Variants in CDH12 observed in about 807,000 individuals in gnomAD.
CDH12 encodes cadherin-12.
CDH12 carries 41 observed loss-of-function variants against 74.1 expected under a neutral mutation model. The ratio of observed to expected loss-of-function variants is 0.55; its 90% confidence interval spans 0.43 to 0.72. The LOEUF is 0.72. CDH12 is among the 30% of genes least tolerant of loss of function. The probability of loss-of-function intolerance (pLI) is 0.00; values close to 1 mark genes in which losing one functional copy is unlikely to be tolerated. For synonymous variants in CDH12, 399 were observed against 355.0 expected, an observed-to-expected ratio of 1.12 and a Z score of -1.39; for missense variants, 945 against 977.2, an observed-to-expected ratio of 0.97 and a Z score of 0.44.
intron 4 of CDH12, among the ~76,000 whole-genome samples, chr5:22,178,923 C>T (rs572116393): frequency 2.0e-5 from 3 of 152,346 alleles, no homozygotes; most frequent in South Asian, 4.1e-4. Context: ...AATATTTTAA[C>T]TCTGAAAAGA....
chr5:22,641,811 G>A (rs1015565546), intron 1 of CDH12, among the ~76,000 whole-genome samples: 2 of 152,096 alleles, frequency 1.3e-5, no homozygotes, highest in African/African-American at 4.8e-5. Flanking sequence ...ATAATCCCTG[G>A]AGAGGGCCTT....
chr5:21,854,628 T>C, intron 7 of CDH12, 43 bp downstream of exon 7: 7 of 1,521,054 alleles, frequency 4.6e-6, no homozygotes, highest in Non-Finnish European at 6.3e-6. Context: ...AGTTTAAATA[T>C]TTGAAGGGCT....
intron 1 of CDH12, among the ~76,000 whole-genome samples, chr5:22,617,632 A>C (rs1396116074): frequency 1.3e-5 from 2 of 152,074 alleles, no homozygotes; most frequent in Non-Finnish European, 2.9e-5. Context: ...TTATTTTCAG[A>C]ACTTCCAGTT....
chr5:22,125,509 AT>A (rs1213487299), intron 4 of CDH12, among the ~76,000 whole-genome samples: 1 of 152,114 alleles, frequency 6.6e-6, no homozygotes, highest in Non-Finnish European at 1.5e-5. Context: ...CCAGTCTATC[AT>A]TGATGGGCAT....
At chr5:21,879,238 C>T (rs962058801) in intron 6 of CDH12, among the ~76,000 whole-genome samples, 1 of 151,550 alleles carries the variant, frequency 6.6e-6, no homozygotes, top group Non-Finnish European at 1.5e-5. Context: ...CCACTGAAAA[C>T]AAATTAAAAT....
At chr5:22,731,596 T>C (rs551274131) in intron 1 of CDH12, among the ~76,000 whole-genome samples, 3 of 152,032 alleles carry the variant, frequency 2.0e-5, no homozygotes, top group African/African-American at 4.8e-5. Context: ...AAAATCTCAA[T>C]TGCATTCTTC....
At chr5:22,075,779 C>A (rs1742276607) in intron 5 of CDH12, among the ~76,000 whole-genome samples, 1 of 152,046 alleles carries the variant, frequency 6.6e-6, no homozygotes, top group South Asian at 2.1e-4. Context: ...CCTAACCCCC[C>A]AAGTTGTCCA....
chr5:21,761,742 T>TATAGATAG (rs5866522), intron 12 of CDH12, among the ~76,000 whole-genome samples: 44,916 of 147,188 alleles, frequency 0.31, 7,137 homozygotes, highest in Middle Eastern at 0.35. Context: ...GATGGATAGA[T>TATAGATAG]ATAGATAGAT....
intron 4 of CDH12, among the ~76,000 whole-genome samples, chr5:22,084,816 GC>G (rs1460501242): frequency 2.6e-5 from 4 of 152,086 alleles, no homozygotes; most frequent in Non-Finnish European, 5.9e-5. Flanking sequence ...TAAGTGAAAG[GC>G]AAACAACTCC....
intron 3 of CDH12, among the ~76,000 whole-genome samples, chr5:22,386,119 C>T (rs1026382360): frequency 2.0e-5 from 3 of 151,892 alleles, no homozygotes; most frequent in African/African-American, 4.8e-5. Context: ...CTCAAACTCC[C>T]GACCTCAGGT....
intron 3 of CDH12, among the ~76,000 whole-genome samples, chr5:22,342,218 G>T (rs947373842): frequency 2.6e-5 from 4 of 152,138 alleles, no homozygotes; most frequent in Non-Finnish European, 5.9e-5. Context: ...TCACACTGGG[G>T]ATAAGGGTTT....
At chr5:22,345,410 G>T (rs996089350) in intron 3 of CDH12, among the ~76,000 whole-genome samples, 1 of 152,022 alleles carries the variant, frequency 6.6e-6, no homozygotes, top group Non-Finnish European at 1.5e-5. Flanking sequence ...TGTATGCATT[G>T]TTCTAAACTA....
At chr5:22,550,213 C>A (rs916803193) in intron 1 of CDH12, among the ~76,000 whole-genome samples, 7 of 151,624 alleles carry the variant, frequency 4.6e-5, no homozygotes, top group Non-Finnish European at 8.8e-5. Flanking sequence ...GGACTTGGTT[C>A]TTTGTTTTCT....
At chr5:22,042,665 C>T (rs759040507) in intron 5 of CDH12, among the ~76,000 whole-genome samples, 6 of 151,980 alleles carry the variant, frequency 3.9e-5, no homozygotes, top group African/African-American at 1.2e-4. Flanking sequence ...GTGGGAGAAT[C>T]GCTTGAGCCC....
chr5:22,780,786 T>G (rs910277324), intron 1 of CDH12, among the ~76,000 whole-genome samples: 1 of 152,274 alleles, frequency 6.6e-6, no homozygotes. Context: ...CTCTTTTTTT[T>G]AAGTGTGATC....
chr5:22,092,738 A>C (rs1329134085), intron 4 of CDH12, among the ~76,000 whole-genome samples: 1 of 151,946 alleles, frequency 6.6e-6, no homozygotes, highest in Non-Finnish European at 1.5e-5. Flanking sequence ...CAGAAATTTC[A>C]CTCTTAGGTA....
chr5:22,421,929 T>C (rs1743669884), intron 2 of CDH12, among the ~76,000 whole-genome samples: 1 of 152,238 alleles, frequency 6.6e-6, no homozygotes, highest in Admixed American at 6.5e-5. Context: ...TGCATTTCTC[T>C]AATGACCAGT....
At chr5:21,838,509 G>T (rs571347659) in intron 8 of CDH12, among the ~76,000 whole-genome samples, 2 of 152,090 alleles carry the variant, frequency 1.3e-5, no homozygotes. Flanking sequence ...GCAGTGAGCC[G>T]AGATCATGCC....
chr5:22,629,305 C>T (rs1267622344), intron 1 of CDH12, among the ~76,000 whole-genome samples: 1 of 151,844 alleles, frequency 6.6e-6, no homozygotes, highest in Non-Finnish European at 1.5e-5. Flanking sequence ...CGCATAAACA[C>T]AAACACACAC....
Sources: allele counts gnomAD v4.1 joint callset (sites outside exome capture counted in the v4.1 genomes callset), GRCh38; gene constraint gnomAD v4.1.1; transcripts MANE v1.5; gene names NCBI Gene and HGNC (gene_info 2026-07-23, HGNC 2026-07-21).